The following ACBD3 variants were observed in gnomAD, a reference collection of about 807,000 sequenced individuals.
ACBD3 encodes acyl-CoA binding domain containing 3.
ACBD3 carries 30 observed loss-of-function variants against 66.9 expected under a neutral mutation model. The ratio of observed to expected loss-of-function variants is 0.45; its 90% CI spans 0.34 to 0.61. ACBD3 has a LOEUF of 0.61. Ranked by LOEUF, ACBD3 falls within the 20% of genes least tolerant of loss-of-function variation. The pLI is 0.02. For synonymous variants in ACBD3, 278 were observed against 259.8 expected (o/e 1.07, Z -0.68); for missense variants, 544 against 664.5 (o/e 0.82, Z 1.99).
chr1:226,170,333 A>ATTTTTTTT (rs71574563), intron 1 of ACBD3, among the ~76,000 whole-genome samples: 3 of 109,840 alleles, frequency 2.7e-5, no homozygotes, highest in East Asian at 5.1e-4. Flanking sequence ...AATTTTTTGA[A>ATTTTTTTT]TTTTTTTTTT....
intron 5 of ACBD3, among the ~76,000 whole-genome samples, chr1:226,155,914 G>A (rs1659662590): frequency 6.6e-6 from 1 of 152,126 alleles, no homozygotes; most frequent in South Asian, 2.1e-4. Flanking sequence ...AGTCAAAATG[G>A]CAGTAAAAAC....
chr1:226,163,770 T>G (rs1353554970), intron 3 of ACBD3, among the ~76,000 whole-genome samples: 1 of 152,202 alleles, frequency 6.6e-6, no homozygotes, highest in Admixed American at 6.5e-5. Context: ...TTTTCTCTTC[T>G]AATCTGTTAT....
chr1:226,154,574 C>A, intron 6 of ACBD3, 73 bp downstream of exon 6: 1 of 1,492,246 alleles, frequency 6.7e-7, no homozygotes, highest in Non-Finnish European at 9.0e-7. Context: ...CTAATTATAA[C>A]CTGACTTCAT....
chr1:226,185,145 G>A (rs916432158), intron 1 of ACBD3, among the ~76,000 whole-genome samples: 2 of 152,084 alleles, frequency 1.3e-5, no homozygotes, highest in African/African-American at 4.8e-5. Flanking sequence ...TCAAGCCGGT[G>A]ATCTAAAAGT....
intron 1 of ACBD3, among the ~76,000 whole-genome samples, chr1:226,185,474 G>C (rs922913774): frequency 1.3e-5 from 2 of 152,138 alleles, no homozygotes; most frequent in African/African-American, 4.8e-5. Flanking sequence ...TTTTAAAGTT[G>C]CATTTGCTGA....
intron 7 of ACBD3, among the ~76,000 whole-genome samples, chr1:226,149,800 C>A (rs914934582): frequency 2.6e-5 from 4 of 151,796 alleles, no homozygotes; most frequent in African/African-American, 9.7e-5. Flanking sequence ...CTTTGGCCTC[C>A]CAAAGTGCTG....
At chr1:226,151,282 C>T (rs1576229089) in intron 7 of ACBD3, among the ~76,000 whole-genome samples, 1 of 152,332 alleles carries the variant, frequency 6.6e-6, no homozygotes, top group African/African-American at 2.4e-5. Flanking sequence ...AGAACTGAGA[C>T]ATGGTGCTTT....
At chr1:226,147,708 T>C (rs1349995595) in intron 7 of ACBD3, among the ~76,000 whole-genome samples, 1 of 152,176 alleles carries the variant, frequency 6.6e-6, no homozygotes, top group Non-Finnish European at 1.5e-5. Flanking sequence ...AACCCAGAGA[T>C]GATCTAAGTG....
chr1:226,161,421 G>A (rs1176114592), intron 4 of ACBD3, 110 bp downstream of exon 4: 10 of 1,490,402 alleles, frequency 6.7e-6, no homozygotes, highest in South Asian at 1.2e-5. Flanking sequence ...GCCTCCCAAA[G>A]TGCTGGGATT....
Position 226,186,737 on chromosome 1 carries a change from C to T in ACBD3, c.-62G>A. Reference sequence around the variant, plus strand: ...CAGCCACGTATCGACTTCCTGCTGACCTCTGACCTCCGCTTACCGACACCG... The same window carrying T: ...CAGCCACGTATCGACTTCCTGCTGATCTCTGACCTCCGCTTACCGACACCG... On this transcript the variant is annotated 5_prime_UTR_variant, in exon 1 of 8. Transcript: ENST00000366812. 1 of 1,402,822 alleles carries T rather than the reference C, an allele frequency of 7.1e-7. No homozygotes were observed. The highest frequency in any genetic ancestry group is 1.5e-5 in the South Asian group (1 of 67,970). The allele number at this position is 1,402,822 out of a possible 1,614,324, so 86.9% of individuals were successfully genotyped here.
chr1:226,186,389 C>A lies in ACBD3; in HGVS notation c.286+1G>T. 1 of 1,517,774 alleles carries A rather than the reference C, an allele frequency of 6.6e-7. No homozygotes were observed. The highest frequency in any genetic ancestry group is 8.8e-7 in the Non-Finnish European group (1 of 1,132,858). The allele number at this position is 1,517,774 out of a possible 1,614,324, so 94.0% of individuals were successfully genotyped here. ...GCGGGGGTGGGGCTGGCCCGGCTCACCTTTGAAGAAGCGCAGTGCCAGGCC... is the reference window on the plus strand; with the variant it reads ...GCGGGGGTGGGGCTGGCCCGGCTCAACTTTGAAGAAGCGCAGTGCCAGGCC... On this transcript the variant is annotated splice_donor_variant, in intron 1 of 7. Transcript: ENST00000366812. LOFTEE classifies it high-confidence loss of function.
intron 3 of ACBD3, among the ~76,000 whole-genome samples, chr1:226,163,199 CTA>C (rs1005800815): frequency 2.0e-5 from 3 of 152,168 alleles, no homozygotes; most frequent in African/African-American, 7.2e-5. Flanking sequence ...TAGATGAAGT[CTA>C]CTCTTAAACA....
chr1:226,169,712 A>T (rs147124123), intron 1 of ACBD3, among the ~76,000 whole-genome samples: 1 of 6,824 alleles, frequency 1.5e-4, no homozygotes, highest in East Asian at 5.0e-3. Flanking sequence ...TTTGTTTTTT[A>T]AAACAAAAAA....
At chr1:226,184,051 C>G (rs1157262146) in intron 1 of ACBD3, among the ~76,000 whole-genome samples, 1 of 151,892 alleles carries the variant, frequency 6.6e-6, no homozygotes, top group Non-Finnish European at 1.5e-5. Flanking sequence ...ATTAGCCGGG[C>G]GTGGTGGTGG....
At chr1:226,186,350 GC>G in intron 1 of ACBD3, 39 bp downstream of exon 1, 8 of 1,474,784 alleles carry the variant, frequency 5.4e-6, no homozygotes, top group Non-Finnish European at 7.2e-6. Context: ...GGCTCCCGGG[GC>G]CGGGCAGAAG....
intron 5 of ACBD3, among the ~76,000 whole-genome samples, chr1:226,156,558 C>T (rs1659674257): frequency 6.6e-6 from 1 of 152,090 alleles, no homozygotes; most frequent in South Asian, 2.1e-4. Context: ...TTTATGATCC[C>T]ATGGGGTAGG....
At position 226,159,292 on chromosome 1, in the gene ACBD3, C is replaced by T; in HGVS notation, c.795G>A (p.Gln265=). 1 of 1,614,184 alleles carries T rather than the reference C, an allele frequency of 6.2e-7. No individual in the cohort carries two copies. Among genetic ancestry groups the T allele is most frequent in the Non-Finnish European group, 8.5e-7 (1 of 1,180,020 alleles). ...GCTGCTGTTCGTAGTTCCCTGGATACTGTTGGGCTGCATACTGCTGGAACT... is the reference window on the plus strand; with the variant it reads ...GCTGCTGTTCGTAGTTCCCTGGATATTGTTGGGCTGCATACTGCTGGAACT... ...AVQFQQYAAQ[Q]YPGNYEQQQI... Residue 265 remains glutamine (Q), a synonymous_variant, in exon 5 of 8, where the codon CAG becomes CAA. Transcript: ENST00000366812.
At chr1:226,169,829 C>G (rs2102785241) in intron 1 of ACBD3, among the ~76,000 whole-genome samples, 1 of 151,746 alleles carries the variant, frequency 6.6e-6, no homozygotes. Flanking sequence ...CGAGATCAGT[C>G]TGGCCAACAT....
chr1:226,176,422 T>TC (rs1656035806), intron 1 of ACBD3, among the ~76,000 whole-genome samples: 2 of 94,030 alleles, frequency 2.1e-5, no homozygotes, highest in South Asian at 9.2e-4. Context: ...AGAGCGAGAC[T>TC]CCGTCTCAAA....
Sources: gnomAD v4.1 joint callset for allele counts (sites outside exome capture counted in the v4.1 genomes callset) on GRCh38, gnomAD v4.1.1 for gene constraint, MANE v1.5 for transcripts, NCBI Gene and HGNC (gene_info 2026-07-23, HGNC 2026-07-21) for gene names.